SYNDIG1: variants seen among roughly 807,000 people sequenced by gnomAD.
SYNDIG1 encodes synapse differentiation inducing 1.
SYNDIG1 carries 9 observed loss-of-function variants against 19.4 expected under a neutral mutation model. The ratio of observed to expected loss-of-function variants is 0.46; its 90% CI spans 0.28 to 0.81. The LOEUF (loss-of-function observed/expected upper bound fraction) is 0.81, where lower values mean the gene tolerates loss of function less well. SYNDIG1 is among the 30% of genes least tolerant of loss of function. The pLI, the probability that SYNDIG1 is intolerant of heterozygous loss-of-function variation, is 0.12. For missense variants in SYNDIG1, 311 were observed against 343.3 expected (o/e 0.91, Z 0.74); for synonymous variants, 141 against 145.9 (o/e 0.97, Z 0.24).
intron 3 of SYNDIG1, among the ~76,000 whole-genome samples, chr20:24,653,613 C>G (rs1171569370): frequency 1.3e-5 from 2 of 152,222 alleles, no homozygotes; most frequent in African/African-American, 4.8e-5. Context: ...CTTAGCCCCC[C>G]TGGCTCTTAC....
intron 2 of SYNDIG1, among the ~76,000 whole-genome samples, chr20:24,568,596 G>A (rs976363144): frequency 2.6e-5 from 4 of 152,084 alleles, no homozygotes; most frequent in South Asian, 2.1e-4. Flanking sequence ...AAAAGCCAGC[G>A]GCCAAACCAA....
In SYNDIG1 at chr20:24,554,243, A is replaced by C. The variant is rs568794276; in HGVS notation, c.480+10666A>C. ...GGTTTTCTAGATATACAATCATGTC[A>C]TCTGCAAACAGGGACAATTTGACTT... is the stretch of plus-strand genomic sequence containing the variant. On this transcript the variant is annotated intron_variant, in intron 2 of 3. Coordinates refer to ENST00000376862, the MANE Select transcript of SYNDIG1 (RefSeq NM_024893.3). Among the ~76,000 whole-genome samples the C allele has an allele frequency of 2.0e-5, 3 of 152,290 alleles. No homozygotes were observed. The South Asian group carries it at 6.2e-4, about 32-fold the overall frequency.
intron 1 of SYNDIG1, among the ~76,000 whole-genome samples, chr20:24,514,504 A>T (rs547039661): frequency 1.6e-4 from 24 of 152,330 alleles, no homozygotes; most frequent in African/African-American, 5.8e-4. Flanking sequence ...ACTTTAAACC[A>T]ATGAAAATCA....
At chr20:24,484,063 TG>T (rs1568573392) in intron 1 of SYNDIG1, among the ~76,000 whole-genome samples, 1 of 151,938 alleles carries the variant, frequency 6.6e-6, no homozygotes, top group Admixed American at 6.6e-5. Context: ...TCTGCATCAG[TG>T]GTGTTTACTG....
At chr20:24,657,103 T>C (rs1448657589) in intron 3 of SYNDIG1, among the ~76,000 whole-genome samples, 1 of 152,202 alleles carries the variant, frequency 6.6e-6, no homozygotes, top group African/African-American at 2.4e-5. Context: ...GGCGCCATGT[T>C]TCCTGTACAG....
At chr20:24,528,755 C>T (rs1389507307) in intron 1 of SYNDIG1, among the ~76,000 whole-genome samples, 2 of 152,204 alleles carry the variant, frequency 1.3e-5, no homozygotes, top group Non-Finnish European at 2.9e-5. Context: ...AAACCATTAG[C>T]AGTGCTCATT....
chr20:24,563,752 C>T (rs1026282442), intron 2 of SYNDIG1, among the ~76,000 whole-genome samples: 6 of 152,192 alleles, frequency 3.9e-5, no homozygotes, highest in Admixed American at 3.9e-4. Flanking sequence ...CAGGTGCTCA[C>T]CACCATGTCC....
chr20:24,612,271 C>G (rs1035030849), intron 3 of SYNDIG1, among the ~76,000 whole-genome samples: 1 of 152,126 alleles, frequency 6.6e-6, no homozygotes, highest in Non-Finnish European at 1.5e-5. Flanking sequence ...ACAGTGTGAC[C>G]CTAGCTGAAG....
chr20:24,605,786 G>A (rs1261145276), intron 3 of SYNDIG1, among the ~76,000 whole-genome samples: 1 of 152,132 alleles, frequency 6.6e-6, no homozygotes, highest in East Asian at 1.9e-4. Context: ...CATGCATGTT[G>A]ATTGTCCAAG....
In SYNDIG1 at chr20:24,583,721, G is replaced by T. The variant is rs150952551; in HGVS notation, c.481-1135G>T. 1.8e-4 allele frequency among the ~76,000 whole-genome samples: 28 copies of T among 152,298 alleles called. 1 individual carries two copies. In the East Asian group the frequency reaches 5.2e-3, roughly 28 times the overall value. The stretch of plus-strand genomic sequence containing the variant: ...CCTTTGTGGGGAGGGTGGGGCAGTG[G>T]TTCTCTTTGCTAGGTCAGCATTGGA... On this transcript the variant is annotated intron_variant, in intron 2 of 3. Transcript: ENST00000376862.
chr20:24,565,218 G>T (rs373254651), intron 2 of SYNDIG1, among the ~76,000 whole-genome samples: 53 of 152,228 alleles, frequency 3.5e-4, no homozygotes, highest in African/African-American at 1.3e-3. Context: ...TATAGTGGAA[G>T]TCTGTGCCAC....
intron 2 of SYNDIG1, among the ~76,000 whole-genome samples, chr20:24,571,690 A>T (rs912569382): frequency 6.6e-6 from 1 of 152,230 alleles, no homozygotes; most frequent in Non-Finnish European, 1.5e-5. Flanking sequence ...AAAGGAAGTT[A>T]GTGATTATTA....
At chr20:24,539,930 C>A (rs6114765) in intron 1 of SYNDIG1, among the ~76,000 whole-genome samples, 6,958 of 152,146 alleles carry the variant, frequency 0.046, 259 homozygotes, top group African/African-American at 0.1. Context: ...AGGCGCCCAC[C>A]ACCACGCCCA....
chr20:24,637,544 TC>T (rs1484929196), intron 3 of SYNDIG1, among the ~76,000 whole-genome samples: 1 of 152,156 alleles, frequency 6.6e-6, no homozygotes, highest in African/African-American at 2.4e-5. Context: ...AAATGTGGGC[TC>T]TCCAGACTTC....
At chr20:24,640,785 C>A (rs1426766942) in intron 3 of SYNDIG1, among the ~76,000 whole-genome samples, 1 of 152,088 alleles carries the variant, frequency 6.6e-6, no homozygotes, top group Admixed American at 6.5e-5. Context: ...TGGGATGGAT[C>A]CACACATCTC....
In SYNDIG1 at chr20:24,665,421, C is replaced by A; in HGVS notation, c.694C>A (p.Leu232Met). The stretch of plus-strand genomic sequence containing the variant: ...CCGGCGGGCCCTATTCCTGGCAGTG[C>A]TGTCCATCACCATTGGGACTGGCGT... ...SSRRALFLAV[L>M]SITIGTGVYV... Residue 232 changes from leucine to methionine, a missense_variant, in exon 4 of 4, where the codon CTG (leucine) becomes ATG (methionine). By Grantham distance (15) the Leu-to-Met change is conservative. Transcript: ENST00000376862. The A allele has an allele frequency of 6.2e-7, 1 of 1,613,460 alleles. No individual in the cohort carries two copies. The highest frequency in any genetic ancestry group is 8.5e-7 in the Non-Finnish European group (1 of 1,179,764).
intron 3 of SYNDIG1, 120 bp from the exon 4 acceptor site, chr20:24,665,226 C>G (rs935699637): frequency 1.0e-5 from 13 of 1,267,616 alleles, no homozygotes; most frequent in Non-Finnish European, 1.4e-5. Context: ...CAGTTTCCCC[C>G]TCAGCCTTCT....
intron 1 of SYNDIG1, among the ~76,000 whole-genome samples, chr20:24,534,864 C>T (rs995665432): frequency 6.6e-6 from 1 of 152,112 alleles, no homozygotes; most frequent in African/African-American, 2.4e-5. Flanking sequence ...TCCTTTATTC[C>T]CTGGGTTTGA....
At chr20:24,502,246 G>A (rs1856228228) in intron 1 of SYNDIG1, 1 of 152,342 alleles carries the variant, frequency 6.6e-6, no homozygotes, top group Non-Finnish European at 1.5e-5. Context: ...CCAGCTTCTG[G>A]GAGGTCTTGG....
Sources: allele counts gnomAD v4.1 joint callset (sites outside exome capture counted in the v4.1 genomes callset), GRCh38; gene constraint gnomAD v4.1.1; transcripts MANE v1.5; gene names NCBI Gene and HGNC (gene_info 2026-07-23, HGNC 2026-07-21).